NEK10: variants seen among roughly 807,000 people sequenced by gnomAD.
NEK10 encodes the protein serine/threonine-protein kinase Nek10.
A neutral mutation model predicts 159.8 loss-of-function variants in NEK10; 122 were observed. The observed-to-expected ratio is 0.76, with a 90% confidence interval of 0.66 to 0.89. The LOEUF (loss-of-function observed/expected upper bound fraction) is 0.89, where lower values mean the gene tolerates loss of function less well. Ranked by LOEUF, NEK10 falls within the 40% of genes least tolerant of loss-of-function variation. NEK10 has a pLI of 0.00. For missense variants in NEK10, 1,342 were observed against 1,323.1 expected (o/e 1.01, Z -0.22); for synonymous variants, 466 against 457.1 (o/e 1.02, Z -0.25).
At chr3:27,229,866 T>C (rs1437291046) in intron 23 of NEK10, among the ~76,000 whole-genome samples, 1 of 151,984 alleles carries the variant, frequency 6.6e-6, no homozygotes, top group Admixed American at 6.6e-5. Flanking sequence ...CCAAGAAATA[T>C]GAGATTATAT....
intron 32 of NEK10, among the ~76,000 whole-genome samples, chr3:27,130,314 A>G (rs1031324459): frequency 6.6e-6 from 1 of 152,086 alleles, no homozygotes; most frequent in Non-Finnish European, 1.5e-5. Flanking sequence ...CTACCACCCT[A>G]CCAATTCCTG....
At chr3:27,144,720 T>A (rs1006285701) in intron 30 of NEK10, among the ~76,000 whole-genome samples, 1 of 152,178 alleles carries the variant, frequency 6.6e-6, no homozygotes, top group Non-Finnish European at 1.5e-5. Flanking sequence ...CTCATCCTTT[T>A]ATTACATTAT....
intron 22 of NEK10, among the ~76,000 whole-genome samples, chr3:27,281,561 A>G (rs886071065): frequency 1.3e-5 from 2 of 152,114 alleles, no homozygotes; most frequent in Admixed American, 1.3e-4. Context: ...TACATACACC[A>G]AGCCAAATAC....
intron 22 of NEK10, among the ~76,000 whole-genome samples, chr3:27,258,272 A>G (rs1464688508): frequency 6.6e-6 from 1 of 152,148 alleles, no homozygotes; most frequent in African/African-American, 2.4e-5. Context: ...CACAACGTGC[A>G]AGTTTGTTAC....
intron 23 of NEK10, among the ~76,000 whole-genome samples, chr3:27,233,283 A>G (rs1421057626): frequency 6.6e-6 from 1 of 152,134 alleles, no homozygotes; most frequent in Non-Finnish European, 1.5e-5. Flanking sequence ...CAGCAAACAT[A>G]TGAAAAATGC....
At chr3:27,339,280 A>C (rs1348055136) in intron 5 of NEK10, among the ~76,000 whole-genome samples, 4 of 152,162 alleles carry the variant, frequency 2.6e-5, no homozygotes, top group Non-Finnish European at 5.9e-5. Flanking sequence ...AATGGGAGAA[A>C]ATTTTTGCAA....
intron 23 of NEK10, among the ~76,000 whole-genome samples, chr3:27,251,170 A>G (rs4407372): frequency 0.13 from 20,288 of 152,134 alleles, 3,351 homozygotes; most frequent in African/African-American, 0.39. Flanking sequence ...GAAAAATTCA[A>G]TCATTTAAAA....
rs2043841217 is a variant in NEK10, at chr3:27,301,748, T to C, written c.1116A>G (p.Ser372=). 1 of 1,577,144 alleles carries C rather than the reference T, an allele frequency of 6.3e-7. No homozygotes were observed. Among genetic ancestry groups the C allele is most frequent in the East Asian group, 2.3e-5 (1 of 43,106 alleles). Residue 372 remains serine (S), a synonymous_variant, in exon 13 of 36, where the codon TCA becomes TCG. Transcript: ENST00000691995. ...GTATTTCCCTAGGGCTCAAGTCTTC[T>C]GATAAATGAAGCTGCTGGATTCGGC... ...AAGRIQQLHL[S]EDLSPREIQE...
At chr3:27,271,057 C>T (rs951672117) in intron 22 of NEK10, among the ~76,000 whole-genome samples, 3 of 152,112 alleles carry the variant, frequency 2.0e-5, no homozygotes, top group African/African-American at 7.2e-5. Context: ...TCCCTGTAGA[C>T]TGATGGATAC....
In NEK10 at chr3:27,337,661, T is replaced by C. The variant is rs113890254; in HGVS notation, c.362+6611A>G. ...AACAAATCCACATATTTACAGCCAA[T>C]TGATTTTTAACAAAGGCACCAAGAA... On this transcript the variant is annotated intron_variant, in intron 5 of 35. Coordinates refer to ENST00000691995, the MANE Select transcript of NEK10 (RefSeq NM_001394966.1). Among the ~76,000 whole-genome samples, 1,162 of 152,138 alleles carry C rather than the reference T, an allele frequency of 7.6e-3. 18 individuals carry two copies. Among genetic ancestry groups the C allele is most frequent in the African/African-American group, 0.027 (1,110 of 41,492 alleles).
At chr3:27,365,827 G>A (rs1023547179) in intron 1 of NEK10, among the ~76,000 whole-genome samples, 3 of 151,848 alleles carry the variant, frequency 2.0e-5, no homozygotes, top group Admixed American at 6.6e-5. Flanking sequence ...TGGCCAGGCC[G>A]GTCTCAAACT....
chr3:27,236,575 C>T (rs748995868), intron 23 of NEK10, among the ~76,000 whole-genome samples: 2 of 152,142 alleles, frequency 1.3e-5, no homozygotes, highest in African/African-American at 2.4e-5. Flanking sequence ...AGGAATTTTA[C>T]AGCTGGGCCT....
intron 26 of NEK10, among the ~76,000 whole-genome samples, chr3:27,176,408 A>C (rs1947509116): frequency 6.6e-6 from 1 of 152,208 alleles, no homozygotes; most frequent in Non-Finnish European, 1.5e-5. Context: ...CTGAGACAGG[A>C]AATGCTTTGG....
At chr3:27,259,161 T>C (rs2040169948) in intron 22 of NEK10, among the ~76,000 whole-genome samples, 1 of 152,104 alleles carries the variant, frequency 6.6e-6, no homozygotes, top group Non-Finnish European at 1.5e-5. Flanking sequence ...TCTCCCATTC[T>C]GTAGGTTGCC....
chr3:27,173,015 CAAT>C (rs1947157874), intron 28 of NEK10, among the ~76,000 whole-genome samples: 1 of 152,076 alleles, frequency 6.6e-6, no homozygotes, highest in Admixed American at 6.5e-5. Context: ...TGGTAAACCA[CAAT>C]AACAACAACA....
intron 23 of NEK10, among the ~76,000 whole-genome samples, chr3:27,221,873 C>G (rs1575325123): frequency 1.3e-5 from 2 of 152,156 alleles, no homozygotes; most frequent in South Asian, 2.1e-4. Context: ...GTTGAGACCT[C>G]CTTAGGGAGG....
intron 25 of NEK10, among the ~76,000 whole-genome samples, chr3:27,200,017 T>C (rs1431110795): frequency 6.6e-6 from 1 of 152,122 alleles, no homozygotes; most frequent in South Asian, 2.1e-4. Context: ...GCACTAGGCT[T>C]AATAGCTGGG....
intron 23 of NEK10, among the ~76,000 whole-genome samples, chr3:27,251,970 T>A (rs983139392): frequency 2.0e-5 from 3 of 152,090 alleles, no homozygotes; most frequent in African/African-American, 7.2e-5. Flanking sequence ...AGGGTAAAAA[T>A]CAGAAAAGTT....
chr3:27,108,440 G>A lies in NEK10; in HGVS notation c.*2832C>T, dbSNP rs1939202793. ...CACTTCCCTGAGAATGAAACATTTT[G>A]CTTTTAAAAAGCAAATTAAGGTTTC... On this transcript the variant is annotated 3_prime_UTR_variant, in exon 36 of 36. Transcript: ENST00000691995. Among the ~76,000 whole-genome samples, 1 of 152,162 alleles carries A rather than the reference G, an allele frequency of 6.6e-6. No individual in the cohort carries two copies. The highest frequency in any genetic ancestry group is 1.5e-5 in the Non-Finnish European group (1 of 68,018).
Sources: allele counts gnomAD v4.1 joint callset (sites outside exome capture counted in the v4.1 genomes callset), GRCh38; gene constraint gnomAD v4.1.1; transcripts MANE v1.5; gene names NCBI Gene and HGNC (gene_info 2026-07-23, HGNC 2026-07-21).